Variants in ADGRV1 observed in about 807,000 individuals in gnomAD.
ADGRV1 encodes G-protein coupled receptor 98.
A neutral mutation model predicts 596.2 loss-of-function variants in ADGRV1; 359 were observed. The observed-to-expected ratio is 0.60, with a 90% CI of 0.55 to 0.66. The LOEUF is 0.66. Ranked by LOEUF, ADGRV1 falls within the 30% of genes least tolerant of loss-of-function variation. The pLI is 0.00. For synonymous variants in ADGRV1, 2,681 were observed against 2,679.2 expected (o/e 1.00, Z -0.02); for missense variants, 7,274 against 7,575.6 (o/e 0.96, Z 1.48).
At chr5:91,120,187 G>C (rs1464709896) in intron 87 of ADGRV1, among the ~76,000 whole-genome samples, 1 of 152,202 alleles carries the variant, frequency 6.6e-6, no homozygotes, top group Non-Finnish European at 1.5e-5. Context: ...ACTGTGTCTT[G>C]TAAAGAGGGA....
chr5:90,813,724 G>A (rs1762661054), intron 74 of ADGRV1, among the ~76,000 whole-genome samples: 1 of 152,062 alleles, frequency 6.6e-6, no homozygotes, highest in Non-Finnish European at 1.5e-5. Context: ...TGCAAATGTT[G>A]CCCTCATCTT....
At chr5:90,602,109 T>A (rs1761480715) in intron 1 of ADGRV1, among the ~76,000 whole-genome samples, 1 of 152,242 alleles carries the variant, frequency 6.6e-6, no homozygotes, top group African/African-American at 2.4e-5. Flanking sequence ...TGTATTCCAT[T>A]AATTCTTTTA....
intron 2 of ADGRV1, chr5:90,617,546 G>T (rs1244191279): frequency 3.7e-6 from 1 of 271,858 alleles, no homozygotes; most frequent in Non-Finnish European, 7.0e-6. Flanking sequence ...CTGACCTCGT[G>T]ATCCGCCCGT....
intron 83 of ADGRV1, among the ~76,000 whole-genome samples, chr5:90,889,447 T>C (rs1476881759): frequency 6.6e-6 from 1 of 152,112 alleles, no homozygotes; most frequent in Non-Finnish European, 1.5e-5. Flanking sequence ...CTCTTCCTTG[T>C]ACAGACCATT....
At chr5:90,667,658 C>G (rs1367912426) in intron 21 of ADGRV1, among the ~76,000 whole-genome samples, 2 of 151,864 alleles carry the variant, frequency 1.3e-5, no homozygotes, top group South Asian at 2.1e-4. Flanking sequence ...TGGTGAGGAA[C>G]TGCGTTCCTT....
chr5:90,947,881 G>A (rs548093943), intron 83 of ADGRV1, among the ~76,000 whole-genome samples: 2 of 152,110 alleles, frequency 1.3e-5, no homozygotes, highest in South Asian at 4.1e-4. Context: ...ACATGATATT[G>A]AGCAACAAGT....
At position 90,997,318 on chromosome 5, in the gene ADGRV1, G is replaced by A. The variant is rs139406352; in HGVS notation, c.18152+11796G>A. On this transcript the variant is annotated intron_variant, in intron 85 of 89. Coordinates refer to ENST00000405460, the MANE Select transcript of ADGRV1 (RefSeq NM_032119.4). Reference sequence around the variant, plus strand: ...CACCATCCCCAGAGTGCTGTCTTGCGATAGAGTTCTCATGAGATCTGGTTG... The same window carrying A: ...CACCATCCCCAGAGTGCTGTCTTGCAATAGAGTTCTCATGAGATCTGGTTG... 4.5e-3 allele frequency among the ~76,000 whole-genome samples: 682 copies of A among 152,242 alleles called. 5 individuals carry two copies. Among genetic ancestry groups the A allele is most frequent in the African/African-American group, 0.015 (630 of 41,534 alleles).
chr5:91,130,522 C>CAA (rs11423089), intron 87 of ADGRV1, among the ~76,000 whole-genome samples: 2,272 of 72,706 alleles, frequency 0.031, 214 homozygotes, highest in African/African-American at 0.035. Context: ...AACTCCATCT[C>CAA]AAAAAAAAAA....
chr5:90,851,102 G>GGTGTGTGTGTGTGTGTGTGT (rs371933419), intron 79 of ADGRV1, among the ~76,000 whole-genome samples: 1 of 50,642 alleles, frequency 2.0e-5, no homozygotes, highest in African/African-American at 5.7e-5. Flanking sequence ...AGCTAGGTAG[G>GGTGTGTGTGTGTGTGTGTGT]GTGTGTGTGT....
chr5:90,681,629 CTT>C (rs1180365631), intron 27 of ADGRV1, among the ~76,000 whole-genome samples, 175 bp downstream of exon 27: 1 of 152,070 alleles, frequency 6.6e-6, no homozygotes. Flanking sequence ...TTATTTTTGT[CTT>C]TAGTATTGCA....
intron 87 of ADGRV1, among the ~76,000 whole-genome samples, chr5:91,104,172 GA>G (rs1342033856): frequency 6.6e-6 from 1 of 151,846 alleles, no homozygotes; most frequent in Non-Finnish European, 1.5e-5. Flanking sequence ...AGAGGATATT[GA>G]AAAAAAGAGC....
Position 90,637,823 on chromosome 5 carries a change from T to A in ADGRV1, c.2115T>A (p.Asp705Glu), listed in dbSNP as rs964975242. ...TTAATTCAAAAGCAGTGACCCCGGA[T>A]GATATAGGCCCCTTTAATGGCTCTG... is the stretch of plus-strand genomic sequence containing the variant. ...SGFNSKAVTP[D>E]DIGPFNGSVL... is the part of the protein sequence containing the mutation. The change falls in exon 11 of 90, where the codon GAT becomes GAA. Residue 705 changes from aspartate to glutamate, a missense_variant. Asp to Glu is a conservative substitution (Grantham distance 45). Around this residue, in one of 5 missense-constraint regions of ADGRV1, gnomAD observed 1,715 missense variants for 1,708.8 expected, o/e 1.00. Transcript: ENST00000405460. 1 of 1,613,752 alleles carries A rather than the reference T, an allele frequency of 6.2e-7. No homozygotes were observed. Among genetic ancestry groups the A allele is most frequent in the Non-Finnish European group, 8.5e-7 (1 of 1,179,774 alleles).
chr5:90,970,264 G>A (rs1562018621), intron 84 of ADGRV1, among the ~76,000 whole-genome samples: 1 of 152,146 alleles, frequency 6.6e-6, no homozygotes, highest in Admixed American at 6.5e-5. Flanking sequence ...AGCTCAAGGA[G>A]GCCTGCCTGC....
chr5:90,603,725 C>T (rs1761713518), intron 1 of ADGRV1, among the ~76,000 whole-genome samples: 2 of 151,736 alleles, frequency 1.3e-5, no homozygotes, highest in South Asian at 4.2e-4. Context: ...GGCCCAACAC[C>T]CCAGGAGGCA....
At chr5:90,716,427 T>C in intron 42 of ADGRV1, 40 bp from the exon 43 acceptor site, 1 of 1,464,580 alleles carries the variant, frequency 6.8e-7, no homozygotes, top group Non-Finnish European at 9.2e-7. Context: ...TATAACCTCT[T>C]CTATTTTCAT....
chr5:91,113,193 T>C (rs75163583), intron 87 of ADGRV1, among the ~76,000 whole-genome samples: 1,692 of 152,266 alleles, frequency 0.011, 25 homozygotes, highest in African/African-American at 0.038. Context: ...CCAAATGCCT[T>C]TAGGCTCAAG....
intron 17 of ADGRV1, among the ~76,000 whole-genome samples, chr5:90,651,325 G>C (rs898342851): frequency 2.8e-4 from 43 of 152,156 alleles, no homozygotes; most frequent in African/African-American, 1.0e-3. Flanking sequence ...CAATAAAATA[G>C]TTCATTTGTA....
intron 67 of ADGRV1, among the ~76,000 whole-genome samples, chr5:90,785,981 G>A (rs1759397385): frequency 6.6e-6 from 1 of 152,162 alleles, no homozygotes; most frequent in Non-Finnish European, 1.5e-5. Flanking sequence ...GTTGACAGTA[G>A]CAAAAACTTG....
chr5:91,078,198 TTTA>T (rs983366174), intron 86 of ADGRV1, among the ~76,000 whole-genome samples: 2 of 152,106 alleles, frequency 1.3e-5, no homozygotes, highest in African/African-American at 2.4e-5. Flanking sequence ...AAATCAATAT[TTTA>T]TTATTATTAT....
Sources: gnomAD v4.1 joint callset for allele counts (sites outside exome capture counted in the v4.1 genomes callset) on GRCh38, gnomAD v4.1.1 for gene constraint, gnomAD v4.1.1 regional missense constraint, MANE v1.5 for transcripts, NCBI Gene and HGNC (gene_info 2026-07-23, HGNC 2026-07-21) for gene names.